Variants in MCMDC2 observed in about 807,000 individuals in gnomAD.
MCMDC2 encodes minichromosome maintenance domain containing 2.
In MCMDC2, 54 loss-of-function variants were observed where a neutral mutation model predicts 75.8. That is an observed-to-expected ratio of 0.71 (90% CI 0.57 to 0.89). The LOEUF is 0.89. MCMDC2 is among the 40% of genes least tolerant of loss of function. MCMDC2 has a pLI of 0.00. For missense variants in MCMDC2, 656 were observed against 780.4 expected (o/e 0.84, Z 1.90); for synonymous variants, 249 against 274.6 (o/e 0.91, Z 0.92).
Position 66,920,586 on chromosome 8 carries a change from T to C in MCMDC2, c.*1417T>C, listed in dbSNP as rs1318409527. The C allele has an allele frequency of 6.6e-6, 1 of 152,218 alleles. No homozygotes were observed. Among genetic ancestry groups the C allele is most frequent in the Non-Finnish European group, 1.5e-5 (1 of 68,034 alleles). 9.4% of individuals were successfully genotyped at this position (152,218 alleles called of 1,614,324 possible). A position where few individuals can be genotyped will look rare whatever the true frequency, so the allele number is the denominator to read the frequency against. On this transcript the variant is annotated 3_prime_UTR_variant, in exon 15 of 15. Coordinates refer to ENST00000422365, the MANE Select transcript of MCMDC2 (RefSeq NM_173518.5). Reference sequence around the variant, plus strand: ...TAATGTTAAGACGTTTATTTTGTGCTTCTCAAATACTACATTTCAAACATG... The same window carrying C: ...TAATGTTAAGACGTTTATTTTGTGCCTCTCAAATACTACATTTCAAACATG...
At chr8:66,924,403 G>C (rs1313066737), downstream of MCMDC2, among the ~76,000 whole-genome samples, 1 of 152,016 alleles carries the variant, frequency 6.6e-6, no homozygotes, top group Non-Finnish European at 1.5e-5. Context: ...TAGGCGGGTG[G>C]ATCACGAGTG....
intron 14 of MCMDC2, among the ~76,000 whole-genome samples, chr8:66,913,899 G>T (rs1813206388): frequency 6.7e-6 from 1 of 150,302 alleles, no homozygotes; most frequent in Admixed American, 6.6e-5. Context: ...GGTGGGTGGA[G>T]GTTGCAGTGA....
chr8:66,915,554 A>C (rs1813283341), intron 14 of MCMDC2, among the ~76,000 whole-genome samples: 3 of 148,390 alleles, frequency 2.0e-5, no homozygotes. Context: ...ATATGTATAT[A>C]TGTATGATTT....
At chr8:66,915,898 TTTTC>T (rs958771916) in intron 14 of MCMDC2, among the ~76,000 whole-genome samples, 3 of 147,124 alleles carry the variant, frequency 2.0e-5, no homozygotes, top group South Asian at 2.1e-4. Context: ...TGTTGTGTGA[TTTTC>T]TTTCTAAGAA....
intron 13 of MCMDC2, 90 bp from the exon 14 acceptor site, chr8:66,905,136 G>C: frequency 9.4e-7 from 1 of 1,060,570 alleles, no homozygotes; most frequent in Non-Finnish European, 1.2e-6. Flanking sequence ...TGTGGCTAAG[G>C]TTCATATATA....
chr8:66,874,627 T>G (rs759478337), intron 4 of MCMDC2, 41 bp downstream of exon 4: 29 of 1,515,568 alleles, frequency 1.9e-5, no homozygotes, highest in Non-Finnish European at 2.6e-5. Context: ...GGTACAGATT[T>G]ACATGATGAC....
At position 66,877,550 on chromosome 8, in the gene MCMDC2, T is replaced by C; in HGVS notation, c.481+6T>C. ...AGCATGCCCTCTTTCAAAAGGTAAA[T>C]GTTAAATAGGAAAATCAAAGCATTA... On this transcript the variant is annotated splice_donor_region_variant and intron_variant, in intron 5 of 14. Transcript: ENST00000422365. The C allele has an allele frequency of 1.9e-6, 3 of 1,588,616 alleles. No homozygotes were observed. The highest frequency in any genetic ancestry group is 2.6e-6 in the Non-Finnish European group (3 of 1,170,118).
intron 13 of MCMDC2, among the ~76,000 whole-genome samples, chr8:66,902,634 C>T (rs1812718119): frequency 7.4e-6 from 1 of 135,786 alleles, no homozygotes; most frequent in South Asian, 2.3e-4. Context: ...GCGGAGGTTG[C>T]AGTGGGCCGA....
intron 10 of MCMDC2, among the ~76,000 whole-genome samples, chr8:66,892,483 CATGGCAGA>C (rs1812155402): frequency 6.6e-6 from 1 of 152,332 alleles, no homozygotes; most frequent in East Asian, 1.9e-4. Flanking sequence ...AGTTTTATTG[CATGGCAGA>C]ACAGCTTTCA....
At chr8:66,922,635 C>A, downstream of MCMDC2, 1 of 405,366 alleles carries the variant, frequency 2.5e-6, no homozygotes, top group Non-Finnish European at 5.0e-6. Context: ...CCGCGTGATC[C>A]TAGTAGTTTT....
intron 14 of MCMDC2, among the ~76,000 whole-genome samples, chr8:66,916,598 T>C (rs1813333657): frequency 6.6e-6 from 1 of 152,002 alleles, no homozygotes; most frequent in South Asian, 2.1e-4. Context: ...GAGGTTTTGA[T>C]AGGTGAGTGT....
chr8:66,909,675 T>G (rs1369669018), intron 14 of MCMDC2, among the ~76,000 whole-genome samples: 2 of 152,100 alleles, frequency 1.3e-5, no homozygotes, highest in African/African-American at 2.4e-5. Flanking sequence ...AATCAGAAAT[T>G]GGAACTTACA....
At chr8:66,871,934 C>A (rs1446260419) in intron 1 of MCMDC2, among the ~76,000 whole-genome samples, 1 of 151,950 alleles carries the variant, frequency 6.6e-6, no homozygotes, top group Admixed American at 6.6e-5. Context: ...AATACTAACC[C>A]CCTTAAAAAA....
intron 14 of MCMDC2, among the ~76,000 whole-genome samples, chr8:66,917,581 T>A (rs984644625): frequency 1.3e-5 from 2 of 152,162 alleles, no homozygotes; most frequent in African/African-American, 2.4e-5. Context: ...TTTCCTCCTC[T>A]ACTCCTCCTG....
At chr8:66,882,610 C>G (rs1811640830) in intron 8 of MCMDC2, among the ~76,000 whole-genome samples, 1 of 152,122 alleles carries the variant, frequency 6.6e-6, no homozygotes, top group Non-Finnish European at 1.5e-5. Flanking sequence ...ATGATCCGCC[C>G]ACCTTGGCCT....
In MCMDC2 at chr8:66,872,685, C is replaced by T. The variant is rs192953509; in HGVS notation, c.-88-1368C>T. ...AAATATTTGGTAATGAGGCCGGGTG[C>T]GGTGGCTCACGCCTGTAATCCCAGC... is the stretch of plus-strand genomic sequence containing the variant. On this transcript the variant is annotated intron_variant, in intron 1 of 14. Coordinates refer to ENST00000422365, the MANE Select transcript of MCMDC2 (RefSeq NM_173518.5). Among the ~76,000 whole-genome samples the T allele has an allele frequency of 1.5e-3, 234 of 152,050 alleles. 1 individual carries two copies. Among genetic ancestry groups the T allele is most frequent in the Non-Finnish European group, 2.3e-3 (159 of 67,978 alleles).
chr8:66,881,090 G>A, intron 8 of MCMDC2, 116 bp downstream of exon 8: 1 of 793,514 alleles, frequency 1.3e-6, no homozygotes, highest in Non-Finnish European at 1.7e-6. Context: ...TAAGAATACA[G>A]TTGTAAACAG....
Position 66,921,647 on chromosome 8 carries a change from C to T in MCMDC2, c.*2478C>T, listed in dbSNP as rs770549712. 2 of 152,080 alleles carry T rather than the reference C, an allele frequency of 1.3e-5. No individual in the cohort carries two copies. The highest frequency in any genetic ancestry group is 2.9e-5 in the Non-Finnish European group (2 of 68,026). 9.4% of individuals were successfully genotyped at this position (152,080 alleles called of 1,614,324 possible). ...AGTATTAGGATGACTTTTTTGTTCA[C>T]AAAGATGAAAGCAAACTGAATAAAA... On this transcript the variant is annotated 3_prime_UTR_variant, in exon 15 of 15. Transcript: ENST00000422365.
intron 1 of MCMDC2, among the ~76,000 whole-genome samples, chr8:66,872,379 CCCA>C (rs1187176807): frequency 6.6e-6 from 1 of 152,146 alleles, no homozygotes; most frequent in African/African-American, 2.4e-5. Flanking sequence ...TCCCTATGAC[CCCA>C]CCATCTTCAA....
Sources: allele counts gnomAD v4.1 joint callset (sites outside exome capture counted in the v4.1 genomes callset), GRCh38; gene constraint gnomAD v4.1.1; transcripts MANE v1.5; gene names NCBI Gene and HGNC (gene_info 2026-07-23, HGNC 2026-07-21).